The following CETP variants were observed in gnomAD, a reference collection of about 807,000 sequenced individuals.
CETP encodes BPI fold containing family F.
In CETP, 56 loss-of-function variants were observed where a neutral mutation model predicts 66.5. The ratio of observed to expected loss-of-function variants is 0.84; its 90% CI spans 0.68 to 1.05. The LOEUF (loss-of-function observed/expected upper bound fraction) is 1.05, where lower values mean the gene tolerates loss of function less well. CETP is among the 50% of genes least tolerant of loss of function. CETP has a pLI of 0.00. For synonymous variants in CETP, 251 were observed against 245.7 expected (o/e 1.02, Z -0.20); for missense variants, 612 against 609.6 (o/e 1.00, Z -0.04).
intron 2 of CETP, among the ~76,000 whole-genome samples, chr16:56,966,869 C>T (rs2056071064): frequency 6.6e-6 from 1 of 151,604 alleles, no homozygotes; most frequent in Non-Finnish European, 1.5e-5. Flanking sequence ...CCTGCCTCGG[C>T]CTTCCAAAGT....
intron 11 of CETP, among the ~76,000 whole-genome samples, chr16:56,979,966 T>C (rs1422549741): frequency 6.6e-6 from 1 of 152,250 alleles, no homozygotes; most frequent in Admixed American, 6.5e-5. Context: ...TGCTTTGTTA[T>C]TTTTAAATAA....
At chr16:56,976,970 G>A (rs546841724) in intron 10 of CETP, among the ~76,000 whole-genome samples, 3 of 151,894 alleles carry the variant, frequency 2.0e-5, no homozygotes, top group Admixed American at 6.6e-5. Flanking sequence ...GTGCAGTGGC[G>A]CAATCTCAGC....
At chr16:56,974,373 C>T (rs1352916469) in intron 9 of CETP, among the ~76,000 whole-genome samples, 1 of 152,186 alleles carries the variant, frequency 6.6e-6, no homozygotes, top group Non-Finnish European at 1.5e-5. Context: ...CACTTGAGCC[C>T]AAGAGGTTGA....
At position 56,973,393 on chromosome 16, in the gene CETP, G is replaced by C. The variant is rs1232035952; in HGVS notation, c.813G>C (p.Leu271=). The stretch of plus-strand genomic sequence containing the variant: ...CCCTCCCCACCTTCTCGCCCACACT[G>C]CTGGGGGACTCCCGCATGCTGTACT... ...DLPLPTFSPT[L]LGDSRMLYFW... is the part of the protein sequence containing the mutation. The change falls in exon 9 of 16, where the codon CTG becomes CTC. Residue 271 remains leucine (L), a synonymous_variant. Transcript: ENST00000200676. 1.2e-6 allele frequency: 2 copies of C among 1,614,200 alleles called. No homozygotes were observed. Among genetic ancestry groups the C allele is most frequent in the South Asian group, 1.1e-5 (1 of 91,084 alleles).
In CETP at chr16:56,963,073, C is replaced by T. The variant is rs142464301; in HGVS notation, c.182C>T (p.Thr61Met). 271 of 1,614,118 alleles carry T rather than the reference C, an allele frequency of 1.7e-4. No homozygotes were observed. Among genetic ancestry groups the T allele is most frequent in the African/African-American group, 2.4e-4 (18 of 75,024 alleles). ...AFQRASYPDI[T>M]GEKAMMLLGQ... ...CAGCGAGCCAGCTACCCAGATATCA[C>T]GGGCGAGAAGGCCATGATGCTCCTT... is the stretch of plus-strand genomic sequence containing the variant. Residue 61 changes from threonine (T) to methionine (M), a missense_variant, in exon 2 of 16, where the codon ACG (threonine) becomes ATG (methionine). Transcript: ENST00000200676.
At chr16:56,972,110 G>A (rs1356986999) in intron 8 of CETP, 27 bp downstream of exon 8, 7 of 1,576,976 alleles carry the variant, frequency 4.4e-6, no homozygotes, top group Non-Finnish European at 4.4e-6. Context: ...GGTGGGGCAG[G>A]GCCCAGCTTC....
At chr16:56,982,279 A>G in intron 14 of CETP, 42 bp downstream of exon 14, 1 of 1,585,606 alleles carries the variant, frequency 6.3e-7, no homozygotes, top group Non-Finnish European at 8.7e-7. Context: ...CGAGGCTGAC[A>G]GAGCTTCCCA....
chr16:56,967,562 G>A (rs1210181704), intron 2 of CETP, among the ~76,000 whole-genome samples: 16 of 151,344 alleles, frequency 1.1e-4, no homozygotes, highest in Non-Finnish European at 2.4e-4. Context: ...GGCTGAGGCA[G>A]GAGAATCACT....
intron 2 of CETP, among the ~76,000 whole-genome samples, chr16:56,965,104 A>C (rs1875927733): frequency 6.6e-6 from 1 of 152,224 alleles, no homozygotes; most frequent in South Asian, 2.1e-4. Flanking sequence ...AAAATAAAAG[A>C]GGATAATGCT....
intron 2 of CETP, among the ~76,000 whole-genome samples, chr16:56,965,691 G>A (rs1042017955): frequency 3.3e-5 from 5 of 152,256 alleles, no homozygotes; most frequent in African/African-American, 9.6e-5. Flanking sequence ...CGTGATGGCC[G>A]CTTCTATTGT....
intron 2 of CETP, among the ~76,000 whole-genome samples, chr16:56,964,527 G>A (rs1006046175): frequency 6.6e-6 from 1 of 152,116 alleles, no homozygotes; most frequent in African/African-American, 2.4e-5. Flanking sequence ...CCTGGGTCCC[G>A]GTCTGTGTGT....
chr16:56,980,383 G>C (rs1418167084), intron 11 of CETP, among the ~76,000 whole-genome samples: 1 of 152,112 alleles, frequency 6.6e-6, no homozygotes, highest in Non-Finnish European at 1.5e-5. Context: ...CATTGCCCAA[G>C]CTGGTCTCAA....
chr16:56,977,939 C>T, intron 10 of CETP, 152 bp from the exon 11 acceptor site: 1 of 827,006 alleles, frequency 1.2e-6, no homozygotes, highest in Non-Finnish European at 1.9e-6. Flanking sequence ...TCCTAATTTG[C>T]ACAGCCTGGG....
At chr16:56,977,957 C>T (rs1373852099) in intron 10 of CETP, 134 bp from the exon 11 acceptor site, 15 of 976,792 alleles carry the variant, frequency 1.5e-5, no homozygotes, top group Admixed American at 5.1e-5. Context: ...GGGGCCTGGG[C>T]ACTACCCCGA....
At chr16:56,968,583 G>T (rs2056085074) in intron 2 of CETP, among the ~76,000 whole-genome samples, 2 of 152,068 alleles carry the variant, frequency 1.3e-5, no homozygotes, top group African/African-American at 4.8e-5. Context: ...ACATTTCTAA[G>T]AATTTGTCCA....
At position 56,971,383 on chromosome 16, in the gene CETP, T is replaced by C. The variant is rs777256524; in HGVS notation, c.658+2T>C. The C allele has an allele frequency of 6.2e-7, 1 of 1,613,834 alleles. No individual in the cohort carries two copies. The highest frequency in any genetic ancestry group is 1.7e-5 in the Admixed American group (1 of 60,020). On this transcript the variant is annotated splice_donor_variant, in intron 7 of 15. Coordinates refer to ENST00000200676, the MANE Select transcript of CETP (RefSeq NM_000078.3). LOFTEE classifies it high-confidence loss of function. Reference sequence around the variant, plus strand: ...CCGATTTTGTCCAGACAAGGGCTGGTGAGTGCGTTTCTGTCTGCATGCCTC... The same window carrying C: ...CCGATTTTGTCCAGACAAGGGCTGGCGAGTGCGTTTCTGTCTGCATGCCTC...
intron 13 of CETP, 105 bp downstream of exon 13, chr16:56,981,785 G>C (rs767182007): frequency 8.9e-7 from 1 of 1,128,008 alleles, no homozygotes; most frequent in Non-Finnish European, 1.3e-6. Flanking sequence ...CAGACCAAAA[G>C]AATGTGGACC....
chr16:56,967,697 T>C (rs1314948365), intron 2 of CETP, among the ~76,000 whole-genome samples: 1 of 150,488 alleles, frequency 6.6e-6, no homozygotes, highest in Non-Finnish European at 1.5e-5. Flanking sequence ...TAAATTTCTG[T>C]AGAACTGAAA....
intron 2 of CETP, among the ~76,000 whole-genome samples, chr16:56,964,984 G>T (rs1462092751): frequency 7.2e-5 from 11 of 152,176 alleles, no homozygotes; most frequent in African/African-American, 2.7e-4. Context: ...ATGGTGGTGC[G>T]TGCCTGCAGT....
Sources: gnomAD v4.1 joint callset for allele counts (sites outside exome capture counted in the v4.1 genomes callset) on GRCh38, gnomAD v4.1.1 for gene constraint, MANE v1.5 for transcripts, NCBI Gene and HGNC (gene_info 2026-07-23, HGNC 2026-07-21) for gene names.